Variants in CCDC154 observed in about 807,000 individuals in gnomAD.
The protein encoded by CCDC154 is coiled-coil domain containing 154, also known as coiled-coil domain-containing protein 154.
In CCDC154, 91 loss-of-function variants were observed where a neutral mutation model predicts 87.5. That is an observed-to-expected ratio of 1.04 (90% confidence interval 0.88 to 1.24). The LOEUF (loss-of-function observed/expected upper bound fraction) is 1.24, where lower values mean the gene tolerates loss of function less well. CCDC154 is among the 50% of genes most tolerant of loss of function. CCDC154 has a pLI of 0.00. For synonymous variants in CCDC154, 418 were observed against 400.4 expected (o/e 1.04, Z -0.52); for missense variants, 903 against 879.2 (o/e 1.03, Z -0.34).
At chr16:1,443,053 C>T (rs2038569239) in intron 4 of CCDC154, 78 bp from the exon 5 acceptor site, 1 of 1,495,706 alleles carries the variant, frequency 6.7e-7, no homozygotes. Flanking sequence ...GGCCAAGGGG[C>T]CCCTGTGGCC....
rs115694368 is a variant in CCDC154, at chr16:1,443,136, T to C, written c.455+125A>G. 1,888 of 1,360,872 alleles carry C rather than the reference T, an allele frequency of 1.4e-3. 37 individuals are homozygous for C. In the African/African-American group the frequency reaches 0.025, roughly 18 times the overall value. 84.3% of individuals were successfully genotyped at this position (1,360,872 alleles called of 1,614,324 possible). On this transcript the variant is annotated intron_variant, in intron 4 of 16. Coordinates refer to ENST00000389176, the MANE Select transcript of CCDC154 (RefSeq NM_001143980.3). ...AAACCCGGCCTTTTCTAGCTGGACC[T>C]GGATGTGTATCCCCCACTCCAGCGA...
chr16:1,443,276 T>A lies in CCDC154; in HGVS notation c.440A>T (p.Gln147Leu). The A allele has an allele frequency of 6.5e-7, 1 of 1,549,148 alleles. No individual in the cohort carries two copies. Among genetic ancestry groups the A allele is most frequent in the South Asian group, 1.2e-5 (1 of 84,008 alleles). ...TGGGGGGTACCTTTTGTCCAGGGCCTGCATCTGGTTCTGGAGACCAGAGAA... is the reference window on the plus strand; with the variant it reads ...TGGGGGGTACCTTTTGTCCAGGGCCAGCATCTGGTTCTGGAGACCAGAGAA... ...PEFSGLQNQM[Q>L]ALDKRLVEVR... Residue 147 changes from glutamine to leucine, a missense_variant, in exon 4 of 17, where the codon CAG (glutamine) becomes CTG (leucine). Transcript: ENST00000389176.
chr16:1,443,312 G>A lies in CCDC154; in HGVS notation c.415-11C>T. The A allele has an allele frequency of 6.5e-7, 1 of 1,547,908 alleles. No individual in the cohort carries two copies. The highest frequency in any genetic ancestry group is 8.7e-7 in the Non-Finnish European group (1 of 1,146,148). On this transcript the variant is annotated splice_polypyrimidine_tract_variant and intron_variant, in intron 3 of 16. Coordinates refer to ENST00000389176, the MANE Select transcript of CCDC154 (RefSeq NM_001143980.3). The stretch of plus-strand genomic sequence containing the variant: ...CTGGAGACCAGAGAACTGCGAGGAG[G>A]AAGAGGAGGCTGTGGGCTGGACCTA...
chr16:1,436,340 G>T, intron 13 of CCDC154, 105 bp downstream of exon 13: 1 of 1,081,976 alleles, frequency 9.2e-7, no homozygotes, highest in Non-Finnish European at 1.4e-6. Flanking sequence ...GGGGGAACAG[G>T]TCTGTCACGA....
chr16:1,444,441 G>A lies in CCDC154; in HGVS notation c.-119C>T. The A allele has an allele frequency of 9.3e-7, 1 of 1,072,410 alleles. No homozygotes were observed. 66.4% of individuals were successfully genotyped at this position (1,072,410 alleles called of 1,614,324 possible). ...TCAGGAGCCAGAGGAAGTCCCGTGA[G>A]AGCTCTGGGCCTTGAGGGACGAGCT... On this transcript the variant is annotated 5_prime_UTR_variant, in exon 1 of 17. Coordinates refer to ENST00000389176, the MANE Select transcript of CCDC154 (RefSeq NM_001143980.3).
chr16:1,440,823 C>T (rs1415059112), intron 6 of CCDC154, among the ~76,000 whole-genome samples: 1 of 150,152 alleles, frequency 6.7e-6, no homozygotes, highest in African/African-American at 2.4e-5. Flanking sequence ...TGGTGGTGGG[C>T]GCCTGTAGTC....
Position 1,435,131 on chromosome 16 carries a change from G to T in CCDC154, c.1650C>A (p.Asn550Lys). Residue 550 changes from asparagine (N) to lysine (K), a missense_variant, in exon 15 of 17, where the codon AAC (asparagine) becomes AAA (lysine). By Grantham distance (94) the Asn-to-Lys change is moderately conservative. Coordinates refer to ENST00000389176, the MANE Select transcript of CCDC154 (RefSeq NM_001143980.3). ...IMKLENCVQA[N>K]KTIQNLRFNT... is the part of the protein sequence containing the mutation. ...TGAACCTGAGGTTCTGGATGGTCTT[G>T]TTGGCCTGGACGCAGTTTTCCAGCT... 1.3e-6 allele frequency: 2 copies of T among 1,550,416 alleles called. No individual in the cohort carries two copies. The highest frequency in any genetic ancestry group is 8.7e-7 in the Non-Finnish European group (1 of 1,146,874).
chr16:1,434,598 C>T lies in CCDC154; in HGVS notation c.1878-64G>A. 3.4e-6 allele frequency: 5 copies of T among 1,454,042 alleles called. No individual in the cohort carries two copies. In the South Asian group the frequency reaches 6.2e-5, roughly 18 times the overall value. 90.1% of individuals were successfully genotyped at this position (1,454,042 alleles called of 1,614,324 possible). On this transcript the variant is annotated intron_variant, in intron 16 of 16. Coordinates refer to ENST00000389176, the MANE Select transcript of CCDC154 (RefSeq NM_001143980.3). ...CCCACCCCCCATGGCCCACCTGCTGCCTGTGGGCCCCCAGCCCTGAACCCC... is the reference window on the plus strand; with the variant it reads ...CCCACCCCCCATGGCCCACCTGCTGTCTGTGGGCCCCCAGCCCTGAACCCC...
chr16:1,434,908 G>A, intron 15 of CCDC154, 56 bp from the exon 16 acceptor site: 1 of 1,454,434 alleles, frequency 6.9e-7, no homozygotes, highest in Non-Finnish European at 9.0e-7. Flanking sequence ...GCAGGGGATG[G>A]CAAACGGGGG....
chr16:1,434,900 A>G, intron 15 of CCDC154, 48 bp from the exon 16 acceptor site: 1 of 1,461,970 alleles, frequency 6.8e-7, no homozygotes, highest in Non-Finnish European at 9.0e-7. Context: ...ACCTCCGGGC[A>G]GGGGATGGCA....
intron 4 of CCDC154, 45 bp from the exon 5 acceptor site, chr16:1,443,020 C>G (rs1270917988): frequency 5.2e-6 from 8 of 1,545,552 alleles, no homozygotes; most frequent in Non-Finnish European, 7.0e-6. Flanking sequence ...GCGGGCTGAG[C>G]AGCCTCGGCG....
At chr16:1,436,920 C>G in intron 11 of CCDC154, 109 bp from the exon 12 acceptor site, 1 of 1,433,340 alleles carries the variant, frequency 7.0e-7, no homozygotes, top group Non-Finnish European at 9.4e-7. Context: ...CCCCCACTTC[C>G]AGCTCTGAGA....
chr16:1,436,888 TC>T (rs2038507092), intron 11 of CCDC154, 77 bp from the exon 12 acceptor site: 3 of 1,527,094 alleles, frequency 2.0e-6, no homozygotes, highest in Middle Eastern at 1.7e-4. Context: ...CACGGGGAGC[TC>T]TGGGGAGCAG....
Position 1,438,048 on chromosome 16 carries a change from A to C in CCDC154, c.1152+2T>G, listed in dbSNP as rs2038518039. 1 of 1,547,032 alleles carries C rather than the reference A, an allele frequency of 6.5e-7. No individual in the cohort carries two copies. Among genetic ancestry groups the C allele is most frequent in the Non-Finnish European group, 8.7e-7 (1 of 1,145,222 alleles). ...TGGGGACATGTTGCGCTACCCCCTC[A>C]CCAGCACCAGCTCTCCATGCATCTC... On this transcript the variant is annotated splice_donor_variant, in intron 10 of 16. Coordinates refer to ENST00000389176, the MANE Select transcript of CCDC154 (RefSeq NM_001143980.3). LOFTEE classifies it high-confidence loss of function.
intron 11 of CCDC154, 40 bp from the exon 12 acceptor site, chr16:1,436,851 G>A (rs745386614): frequency 3.9e-6 from 6 of 1,548,462 alleles, no homozygotes; most frequent in Non-Finnish European, 5.2e-6. Context: ...AGCCAAGAGA[G>A]GGGGGACAGA....
chr16:1,443,320 G>C lies in CCDC154; in HGVS notation c.415-19C>G, dbSNP rs1173057190. ...CAGAGAACTGCGAGGAGGAAGAGGA[G>C]GCTGTGGGCTGGACCTAGGCCCGGG... On this transcript the variant is annotated intron_variant, in intron 3 of 16. Transcript: ENST00000389176. 6.5e-7 allele frequency: 1 copy of C among 1,546,426 alleles called. No individual in the cohort carries two copies. The highest frequency in any genetic ancestry group is 2.0e-5 in the Admixed American group (1 of 49,526).
At position 1,437,958 on chromosome 16, in the gene CCDC154, C is replaced by A. The variant is rs950213117; in HGVS notation, c.1153-4G>T. On this transcript the variant is annotated splice_polypyrimidine_tract_variant and splice_region_variant and intron_variant, in intron 10 of 16. Transcript: ENST00000389176. ...GAGCCCGGCTCTTCTCTCGGAGCTG[C>A]AGGGGACAGGTGGGCACGGGGAGGC... is the stretch of plus-strand genomic sequence containing the variant. The A allele has an allele frequency of 1.9e-6, 3 of 1,545,674 alleles. No homozygotes were observed. The highest frequency in any genetic ancestry group is 2.4e-5 in the East Asian group (1 of 40,832).
Position 1,443,527 on chromosome 16 carries a change from G to A in CCDC154, c.393C>T (p.Ala131=), listed in dbSNP as rs2142357968. The change falls in exon 3 of 17, where the codon GCC becomes GCT. Residue 131 remains alanine, a synonymous_variant. Transcript: ENST00000389176. ...TCACCTCCGGCGCCTCCTTTTCGGG[G>A]GCCTGGGCTGCCGGCCGCGCCTCCT... ...LQQEARPAAQ[A]PEKEAPEFSG... is the part of the protein sequence containing the mutation. The A allele has an allele frequency of 1.4e-6, 2 of 1,478,660 alleles. No individual in the cohort carries two copies. The highest frequency in any genetic ancestry group is 1.8e-6 in the Non-Finnish European group (2 of 1,122,964). 91.6% of individuals were successfully genotyped at this position (1,478,660 alleles called of 1,614,324 possible).
chr16:1,438,829 G>C lies in CCDC154; in HGVS notation c.892C>G (p.Gln298Glu). 1 of 1,545,144 alleles carries C rather than the reference G, an allele frequency of 6.5e-7. No individual in the cohort carries two copies. The highest frequency in any genetic ancestry group is 1.2e-5 in the South Asian group (1 of 83,788). The stretch of plus-strand genomic sequence containing the variant: ...CCCGGCCCCACCTCATGCTGCCCCT[G>C]CAGGGCCCGCAGGCGCTCCTCCATC... ...GLMEERLRAL[Q>E]GQHEESHLLE... The change falls in exon 8 of 17, where the codon CAG (glutamine) becomes GAG (glutamate). Residue 298 changes from glutamine (Q) to glutamate (E), a missense_variant. Coordinates refer to ENST00000389176, the MANE Select transcript of CCDC154 (RefSeq NM_001143980.3).
Sources: allele counts gnomAD v4.1 joint callset (sites outside exome capture counted in the v4.1 genomes callset), GRCh38; gene constraint gnomAD v4.1.1; transcripts MANE v1.5; gene names NCBI Gene and HGNC (gene_info 2026-07-23, HGNC 2026-07-21).